Variants in RAI14 observed in about 807,000 individuals in gnomAD.
RAI14 encodes the protein retinoic acid induced 14.
Under a neutral mutation model 115.4 loss-of-function variants are expected in RAI14, and 45 were observed. That is an observed-to-expected ratio of 0.39 (90% CI 0.31 to 0.50). The LOEUF is 0.50. Ranked by LOEUF, RAI14 falls within the 20% of genes least tolerant of loss-of-function variation. The pLI, the probability that RAI14 is intolerant of heterozygous loss-of-function variation, is 0.85. For synonymous variants in RAI14, 371 were observed against 415.4 expected (o/e 0.89, Z 1.30); for missense variants, 939 against 1,131.2 (o/e 0.83, Z 2.44).
chr5:34,757,322 G>C (rs1289426732), intron 2 of RAI14, 146 bp from the exon 3 acceptor site: 1 of 907,842 alleles, frequency 1.1e-6, no homozygotes, highest in East Asian at 2.5e-5. Context: ...ATGGTGAAGG[G>C]GAAGGTATTT....
At chr5:34,674,586 G>GGTTTTTTTT (rs1554038522) in intron 1 of RAI14, among the ~76,000 whole-genome samples, 1 of 132,542 alleles carries the variant, frequency 7.5e-6, no homozygotes, top group African/African-American at 2.8e-5. Context: ...CGGATCTTTT[G>GGTTTTTTTT]TTTTTTTTTT....
intron 1 of RAI14, among the ~76,000 whole-genome samples, chr5:34,673,739 C>T (rs1743779321): frequency 6.6e-6 from 1 of 152,118 alleles, no homozygotes; most frequent in African/African-American, 2.4e-5. Context: ...GAATCAGCAC[C>T]CCTCAACCCC....
At chr5:34,739,258 T>C (rs1194231344) in intron 2 of RAI14, among the ~76,000 whole-genome samples, 1 of 152,214 alleles carries the variant, frequency 6.6e-6, no homozygotes, top group East Asian at 1.9e-4. Context: ...GCTACTCTTA[T>C]TATCTCGTGT....
intron 1 of RAI14, among the ~76,000 whole-genome samples, chr5:34,676,965 A>G (rs1744023808): frequency 6.6e-6 from 1 of 152,170 alleles, no homozygotes; most frequent in African/African-American, 2.4e-5. Context: ...GCAGTCTTTT[A>G]ACAAACCTGT....
intron 6 of RAI14, among the ~76,000 whole-genome samples, chr5:34,808,139 T>C (rs1303228933): frequency 6.6e-6 from 1 of 152,250 alleles, no homozygotes; most frequent in Non-Finnish European, 1.5e-5. Flanking sequence ...ATTCTAAGCA[T>C]TTGTAGATTT....
At chr5:34,694,279 A>G (rs374352671) in intron 2 of RAI14, among the ~76,000 whole-genome samples, 91 of 152,328 alleles carry the variant, frequency 6.0e-4, no homozygotes, top group African/African-American at 2.0e-3. Context: ...AAATTCTTCT[A>G]TGAACTTCTC....
intron 1 of RAI14, among the ~76,000 whole-genome samples, chr5:34,662,895 A>T (rs1361207570): frequency 6.6e-6 from 1 of 151,580 alleles, no homozygotes; most frequent in Non-Finnish European, 1.5e-5. Context: ...TGCCCGGCTG[A>T]TTTTTGTATT....
intron 2 of RAI14, among the ~76,000 whole-genome samples, chr5:34,727,756 C>T (rs1257105725): frequency 6.6e-6 from 1 of 152,146 alleles, no homozygotes; most frequent in Non-Finnish European, 1.5e-5. Context: ...GGTTTGGGAA[C>T]CTCCGCCTAG....
At chr5:34,676,239 T>A (rs1743964804) in intron 1 of RAI14, among the ~76,000 whole-genome samples, 1 of 152,218 alleles carries the variant, frequency 6.6e-6, no homozygotes, top group East Asian at 1.9e-4. Flanking sequence ...TGAAGGGGCT[T>A]ACCCATACAC....
chr5:34,831,024 G>GGTCT lies in RAI14; in HGVS notation c.*261_*264dup, dbSNP rs71299561. 17,518 of 544,518 alleles carry GGTCT rather than the reference G, an allele frequency of 0.032. 399 individuals are homozygous for GGTCT. The highest frequency in any genetic ancestry group is 0.046 in the South Asian group (1,731 of 37,562). The allele number at this position is 544,518 out of a possible 1,614,324, so 33.7% of individuals were successfully genotyped here. On this transcript the variant is annotated 3_prime_UTR_variant, in exon 18 of 18. Transcript: ENST00000265109. ...AGAGCTGGGATCAGCCATGCCCAGA[G>GGTCT]GTCTGGTCCTGATGCTGGCAGGGGG...
At chr5:34,812,077 TA>T (rs1755666914) in intron 9 of RAI14, 102 bp from the exon 10 acceptor site, 2 of 1,321,918 alleles carry the variant, frequency 1.5e-6, no homozygotes, top group Admixed American at 2.2e-5. Flanking sequence ...AAAGGAGTGT[TA>T]AAAAATATTG....
At chr5:34,785,283 T>G (rs952894709) in intron 3 of RAI14, among the ~76,000 whole-genome samples, 1 of 152,020 alleles carries the variant, frequency 6.6e-6, no homozygotes, top group Non-Finnish European at 1.5e-5. Context: ...GGTGGGAACT[T>G]TGTCTTTCTG....
chr5:34,710,243 CCTTG>C (rs1219534937), intron 2 of RAI14, among the ~76,000 whole-genome samples: 4 of 152,274 alleles, frequency 2.6e-5, no homozygotes, highest in Non-Finnish European at 5.9e-5. Context: ...AAGAGTCCTT[CCTTG>C]CTTATTCCTA....
intron 1 of RAI14, among the ~76,000 whole-genome samples, chr5:34,680,427 G>T (rs1177570046): frequency 6.6e-6 from 1 of 152,170 alleles, no homozygotes; most frequent in East Asian, 1.9e-4. Context: ...ACGGGCTCTG[G>T]CAAGAACTAA....
At chr5:34,715,948 T>A (rs1580000829) in intron 2 of RAI14, 1 of 320,462 alleles carries the variant, frequency 3.1e-6, no homozygotes, top group East Asian at 1.1e-4. Flanking sequence ...TGAGGCTTTT[T>A]TAAAAAAAGA....
At position 34,757,615 on chromosome 5, in the gene RAI14, G is replaced by T; in HGVS notation, c.167+17G>T. 1 of 1,593,292 alleles carries T rather than the reference G, an allele frequency of 6.3e-7. No homozygotes were observed. Among genetic ancestry groups the T allele is most frequent in the Non-Finnish European group, 8.6e-7 (1 of 1,167,930 alleles). On this transcript the variant is annotated intron_variant, in intron 3 of 17. Coordinates refer to ENST00000265109, the MANE Select transcript of RAI14 (RefSeq NM_015577.3). ...CAAGACCGCGTAAGCTGAAACACTG[G>T]TTTGCAGATATGCTGGTTCTGGGTT... is the stretch of plus-strand genomic sequence containing the variant.
At position 34,790,366 on chromosome 5, in the gene RAI14, G is replaced by A. The variant is rs547008790; in HGVS notation, c.168-5573G>A. Among the ~76,000 whole-genome samples the A allele has an allele frequency of 4.9e-4, 74 of 152,300 alleles. 1 individual carries two copies. The highest frequency in any genetic ancestry group is 1.7e-3 in the African/African-American group (70 of 41,568). On this transcript the variant is annotated intron_variant, in intron 3 of 17. Transcript: ENST00000265109. ...AGGGAACTGCCAACAAAGTCATTTC[G>A]TTGTCTGATTTGTGCCTATTTCTTC...
At chr5:34,799,536 ACAC>A (rs767113987) in intron 4 of RAI14, among the ~76,000 whole-genome samples, 5,522 of 64,334 alleles carry the variant, frequency 0.086, 179 homozygotes, top group Admixed American at 0.14. Flanking sequence ...ACACACACAC[ACAC>A]AAAACCACCT....
chr5:34,702,073 C>G (rs946984728), intron 2 of RAI14, among the ~76,000 whole-genome samples: 1 of 152,176 alleles, frequency 6.6e-6, no homozygotes, highest in African/African-American at 2.4e-5. Context: ...CTTGGCCTCC[C>G]AAACTGCTGG....
Sources: allele counts gnomAD v4.1 joint callset (sites outside exome capture counted in the v4.1 genomes callset), GRCh38; gene constraint gnomAD v4.1.1; transcripts MANE v1.5; gene names NCBI Gene and HGNC (gene_info 2026-07-23, HGNC 2026-07-21).